Variants in CUX2 observed in about 807,000 individuals in gnomAD.
The protein encoded by CUX2 is cut like homeobox 2, also known as homeobox protein cut-like 2.
CUX2 carries 40 observed loss-of-function variants against 144.8 expected under a neutral mutation model. The observed-to-expected ratio is 0.28, with a 90% confidence interval of 0.21 to 0.36. CUX2 has a LOEUF of 0.36. CUX2 is among the 10% of genes least tolerant of loss of function. The pLI is 1.00. For missense variants in CUX2, 1,615 were observed against 1,994.0 expected (o/e 0.81, Z 3.62); for synonymous variants, 827 against 875.6 (o/e 0.94, Z 0.98).
rs1404263279 is a variant in CUX2, at chr12:111,186,363, A to G, written c.64-27837A>G. 6.6e-6 allele frequency among the ~76,000 whole-genome samples: 1 copy of G among 152,092 alleles called. No individual in the cohort carries two copies. Among genetic ancestry groups the G allele is most frequent in the Non-Finnish European group, 1.5e-5 (1 of 68,014 alleles). ...TTCAGGGGTGGACACTCCATGGGGGACGCAGGTGCTGAGAAAGTGGCATGA... is the reference window on the plus strand; with the variant it reads ...TTCAGGGGTGGACACTCCATGGGGGGCGCAGGTGCTGAGAAAGTGGCATGA... On this transcript the variant is annotated intron_variant, in intron 1 of 21. Transcript: ENST00000261726. The surrounding 1 kb of genome is among the most constrained non-coding windows in gnomAD (Gnocchi z 4.4).
chr12:111,263,859 C>CG lies in CUX2; in HGVS notation c.301+21dup. 1 of 1,601,040 alleles carries CG rather than the reference C, an allele frequency of 6.2e-7. No individual in the cohort carries two copies. Among genetic ancestry groups the CG allele is most frequent in the Non-Finnish European group, 8.6e-7 (1 of 1,168,286 alleles). On this transcript the variant is annotated intron_variant, in intron 4 of 21. Transcript: ENST00000261726. This position sits in a 1 kb window ranked among gnomAD's most constrained non-coding sequence, Gnocchi z 4.0. ...CACCAGGTAAGAAATGCTTGGGCTC[C>CG]GTAATTGAATAGTTAACGACAATAA...
chr12:111,288,555 G>A (rs563167827), intron 4 of CUX2, among the ~76,000 whole-genome samples: 16 of 151,972 alleles, frequency 1.1e-4, no homozygotes, highest in Admixed American at 4.6e-4. Context: ...GACCAGGCAC[G>A]ATAACTCATG....
At position 111,077,729 on chromosome 12, in the gene CUX2, G is replaced by C. The variant is rs568993399; in HGVS notation, c.63+43489G>C. ...AGTGTTTGTTTTTTGGGGGCCATAC[G>C]CAAATTCCCACCCAGATCCCTCCTC... On this transcript the variant is annotated intron_variant, in intron 1 of 21. Transcript: ENST00000261726. This position sits in a 1 kb window ranked among gnomAD's most constrained non-coding sequence, Gnocchi z 4.1. Among the ~76,000 whole-genome samples the C allele has an allele frequency of 6.6e-6, 1 of 152,032 alleles. No homozygotes were observed. Among genetic ancestry groups the C allele is most frequent in the African/African-American group, 2.4e-5 (1 of 41,428 alleles).
At chr12:111,317,431 T>A (rs1887255294) in intron 16 of CUX2, among the ~76,000 whole-genome samples, 1 of 152,216 alleles carries the variant, frequency 6.6e-6, no homozygotes, top group Non-Finnish European at 1.5e-5. Flanking sequence ...TGTATATATG[T>A]GTGTGTATAT....
At position 111,068,678 on chromosome 12, in the gene CUX2, A is replaced by C. The variant is rs996830888; in HGVS notation, c.63+34438A>C. 8.6e-5 allele frequency among the ~76,000 whole-genome samples: 13 copies of C among 151,202 alleles called. No individual in the cohort carries two copies. The highest frequency in any genetic ancestry group is 1.6e-4 in the Non-Finnish European group (11 of 67,838). ...CACCTGCTCTGCCTTGCGTGGTTCA[A>C]CTCCGCCCCCTTCTTCCCTGATTCG... On this transcript the variant is annotated intron_variant, in intron 1 of 21. Transcript: ENST00000261726. This position sits in a 1 kb window ranked among gnomAD's most constrained non-coding sequence, Gnocchi z 4.9.
intron 16 of CUX2, among the ~76,000 whole-genome samples, chr12:111,314,338 C>T (rs1376754035): frequency 1.3e-5 from 2 of 152,044 alleles, no homozygotes; most frequent in Non-Finnish European, 2.9e-5. Context: ...TCCCAAAGTG[C>T]TGGGATTACA....
At chr12:111,344,877 T>C (rs1888726065) in intron 21 of CUX2, among the ~76,000 whole-genome samples, 1 of 152,178 alleles carries the variant, frequency 6.6e-6, no homozygotes, top group African/African-American at 2.4e-5. Context: ...TAGTGTATCA[T>C]AATGAGATTA....
chr12:111,092,403 G>A (rs1288532550), intron 1 of CUX2, among the ~76,000 whole-genome samples: 1 of 152,216 alleles, frequency 6.6e-6, no homozygotes, highest in East Asian at 1.9e-4. Flanking sequence ...TTTCCTCACA[G>A]CTTGCCTTTC....
chr12:111,278,130 T>C (rs1221977447), intron 4 of CUX2, among the ~76,000 whole-genome samples: 1 of 152,120 alleles, frequency 6.6e-6, no homozygotes, highest in Non-Finnish European at 1.5e-5. Context: ...AACATAACAC[T>C]CACGGGCAGG....
intron 1 of CUX2, among the ~76,000 whole-genome samples, chr12:111,170,149 A>G (rs1216647334): frequency 1.3e-5 from 2 of 152,206 alleles, no homozygotes; most frequent in African/African-American, 4.8e-5. Context: ...AGTATTAAGA[A>G]CAATAACTGG....
chr12:111,148,231 C>T (rs769472860), intron 1 of CUX2, among the ~76,000 whole-genome samples: 1 of 152,258 alleles, frequency 6.6e-6, no homozygotes, highest in African/African-American at 2.4e-5. Context: ...AGGCACAACA[C>T]GGATGAACCT....
intron 3 of CUX2, among the ~76,000 whole-genome samples, chr12:111,227,982 A>C (rs1434840204): frequency 1.3e-5 from 2 of 152,174 alleles, no homozygotes; most frequent in Non-Finnish European, 2.9e-5. Context: ...CGCCAGCGGC[A>C]ATCACGTTAC....
intron 1 of CUX2, among the ~76,000 whole-genome samples, chr12:111,113,145 G>C (rs1874078472): frequency 1.3e-5 from 2 of 152,128 alleles, no homozygotes; most frequent in African/African-American, 4.8e-5. Flanking sequence ...GAGTAGGAGT[G>C]ATGGAGGGGA....
rs1333742014 is a variant in CUX2 at position 111,307,309 on chromosome 12, G to C, written c.1109+52G>C. 2 of 1,552,470 alleles carry C rather than the reference G, an allele frequency of 1.3e-6. No individual in the cohort carries two copies. Among genetic ancestry groups the C allele is most frequent in the African/African-American group, 2.7e-5 (2 of 73,506 alleles). On this transcript the variant is annotated intron_variant, in intron 12 of 21. Coordinates refer to ENST00000261726, the MANE Select transcript of CUX2 (RefSeq NM_015267.4). The surrounding 1 kb of genome is among the most constrained non-coding windows in gnomAD (Gnocchi z 4.1). ...ACCCTCAGTGCTCTTCCCTGGCCAG[G>C]AGCTCTTGGCAAAGTTCATCATCTT...
At chr12:111,052,233 C>T (rs1305078332) in intron 1 of CUX2, among the ~76,000 whole-genome samples, 2 of 152,148 alleles carry the variant, frequency 1.3e-5, no homozygotes, top group Non-Finnish European at 2.9e-5. Context: ...CTGCCTGCTC[C>T]ACCTTGTATG....
chr12:111,331,169 A>T (rs6490055), intron 18 of CUX2, among the ~76,000 whole-genome samples: 2 of 151,512 alleles, frequency 1.3e-5, no homozygotes, highest in Non-Finnish European at 2.9e-5. Context: ...CATTTCTTGC[A>T]CAAGGGGCAA....
In CUX2 at chr12:111,348,035, C is replaced by T; in HGVS notation, c.4171C>T (p.Leu1391=). 1 of 1,614,118 alleles carries T rather than the reference C, an allele frequency of 6.2e-7. No individual in the cohort carries two copies. The highest frequency in any genetic ancestry group is 8.5e-7 in the Non-Finnish European group (1 of 1,180,028). Reference sequence around the variant, plus strand: ...AGCCTCAGAGTCCTCACGCTGCAGCCTGGAGGTGTCACTGAACTCGCCCTC... The same window carrying T: ...AGCCTCAGAGTCCTCACGCTGCAGCTTGGAGGTGTCACTGAACTCGCCCTC... The part of the protein sequence containing the change: ...KSASESSRCS[L]EVSLNSPSAA... Residue 1391 remains leucine (L), a synonymous_variant, in exon 22 of 22, where the codon CTG becomes TTG. Coordinates refer to ENST00000261726, the MANE Select transcript of CUX2 (RefSeq NM_015267.4).
At chr12:111,296,386 G>A (rs1490970867) in intron 7 of CUX2, 87 bp from the exon 8 acceptor site, 4 of 1,215,276 alleles carry the variant, frequency 3.3e-6, no homozygotes, top group East Asian at 2.6e-5. Context: ...GCTGGGCTTC[G>A]CAGAAGGAGT....
chr12:111,265,088 C>A (rs1266577901), intron 4 of CUX2, among the ~76,000 whole-genome samples: 1 of 151,738 alleles, frequency 6.6e-6, no homozygotes, highest in Non-Finnish European at 1.5e-5. Flanking sequence ...ATGAATTTCA[C>A]CTTAATTGAA....
Sources: allele counts gnomAD v4.1 joint callset (sites outside exome capture counted in the v4.1 genomes callset), GRCh38; gene constraint gnomAD v4.1.1; non-coding constraint Gnocchi (gnomAD v3.1); transcripts MANE v1.5; gene names NCBI Gene and HGNC (gene_info 2026-07-23, HGNC 2026-07-21).